STT3A: variants seen among roughly 807,000 people sequenced by gnomAD.
The protein encoded by STT3A is STT3 oligosaccharyltransferase complex catalytic subunit A, also known as dolichyl-diphosphooligosaccharide--protein glycosyltransferase subunit STT3A.
In STT3A, 34 loss-of-function variants were observed where a neutral mutation model predicts 89.2. The observed-to-expected ratio is 0.38, with a 90% CI of 0.29 to 0.51. STT3A has a LOEUF of 0.51. STT3A is among the 20% of genes least tolerant of loss of function. STT3A has a pLI of 0.89. For missense variants in STT3A, 555 were observed against 889.5 expected, an observed-to-expected ratio of 0.62 and a Z score of 4.78; for synonymous variants, 282 against 310.3, an observed-to-expected ratio of 0.91 and a Z score of 0.96.
exon 18 of STT3A, chr11:125,623,068 C>CAAAAAAAAA (rs57731974): frequency 1.7e-5 from 1 of 59,160 alleles, no homozygotes; most frequent in African/African-American, 6.6e-5. Flanking sequence ...AAGACTGTCT[C>CAAAAAAAAA]AAAAAAAAAA....
intron 9 of STT3A, among the ~76,000 whole-genome samples, chr11:125,608,951 C>T (rs1939918926): frequency 6.6e-6 from 1 of 152,022 alleles, no homozygotes; most frequent in South Asian, 2.1e-4. Context: ...CTTACCATAC[C>T]CTCCAAAGTG....
chr11:125,612,857 G>T (rs1028337057), intron 12 of STT3A, 110 bp downstream of exon 12: 3 of 1,517,084 alleles, frequency 2.0e-6, no homozygotes, highest in Non-Finnish European at 2.7e-6. Flanking sequence ...GTCCTAGGTG[G>T]TCAGAATTAA....
intron 1 of STT3A, among the ~76,000 whole-genome samples, chr11:125,594,154 CA>C (rs1211514344): frequency 6.6e-6 from 1 of 152,054 alleles, no homozygotes; most frequent in African/African-American, 2.4e-5. Context: ...ATACATGTAC[CA>C]AAATGTCACA....
rs1400066844 is a variant in STT3A, at chr11:125,605,752, G to A, written c.615+17G>A. On this transcript the variant is annotated intron_variant, in intron 7 of 17. Coordinates refer to ENST00000392708, the MANE Select transcript of STT3A (RefSeq NM_152713.5). ...TTCTACATGGTAACTTTTTCTACAT[G>A]TTTTCAATTTTTAAAGTTCTCTAAA... 1 of 1,600,204 alleles carries A rather than the reference G, an allele frequency of 6.2e-7. No homozygotes were observed. The highest frequency in any genetic ancestry group is 8.6e-7 in the Non-Finnish European group (1 of 1,169,178).
Position 125,614,195 on chromosome 11 carries a change from G to C in STT3A, c.1663G>C (p.Val555Leu), listed in dbSNP as rs781600361. 1 of 1,614,126 alleles carries C rather than the reference G, an allele frequency of 6.2e-7. No individual in the cohort carries two copies. The highest frequency in any genetic ancestry group is 8.5e-7 in the Non-Finnish European group (1 of 1,179,984). ...NTWNNTHISR[V>L]GQAMASTEEK... ...ATGGAATAATACCCATATTTCTCGA[G>C]TAGGGCAGGTAAGATAAAGGGATGA... Residue 555 changes from valine to leucine, a missense_variant, in exon 14 of 18, where the codon GTA (valine) becomes CTA (leucine). By Grantham distance (32) the Val-to-Leu change is conservative. Around this residue, in one of 5 missense-constraint regions of STT3A, gnomAD observed 273 missense variants for 449.8 expected, o/e 0.61. Coordinates refer to ENST00000392708, the MANE Select transcript of STT3A (RefSeq NM_152713.5). The surrounding 1 kb of genome is among the most constrained non-coding windows in gnomAD (Gnocchi z 4.9).
chr11:125,592,579 T>C (rs1486857789), upstream of STT3A: 1 of 438,488 alleles, frequency 2.3e-6, no homozygotes, highest in South Asian at 1.6e-5. Context: ...GACACGTCAC[T>C]CCTCGGCCCT....
At chr11:125,593,261 G>C (rs1029054191) in intron 1 of STT3A, 4 of 152,444 alleles carry the variant, frequency 2.6e-5, no homozygotes, top group African/African-American at 9.7e-5. Context: ...GGGAAGAAGA[G>C]GGAGGTGGGA....
At chr11:125,605,420 G>A (rs1397406452) in intron 6 of STT3A, among the ~76,000 whole-genome samples, 1 of 152,130 alleles carries the variant, frequency 6.6e-6, no homozygotes, top group Non-Finnish European at 1.5e-5. Flanking sequence ...TGCTTTACAG[G>A]CATTAATTAT....
chr11:125,606,872 C>T (rs1939855996), intron 8 of STT3A, among the ~76,000 whole-genome samples: 1 of 152,220 alleles, frequency 6.6e-6, no homozygotes, highest in Non-Finnish European at 1.5e-5. Context: ...AACCACATTG[C>T]TCCACAGGGT....
intron 7 of STT3A, among the ~76,000 whole-genome samples, 178 bp downstream of exon 7, chr11:125,605,913 T>C (rs1413178783): frequency 6.6e-6 from 1 of 152,200 alleles, no homozygotes; most frequent in Non-Finnish European, 1.5e-5. Context: ...TTGCTTCCAC[T>C]TGCTCACATA....
chr11:125,617,859 G>A (rs1379230131), intron 15 of STT3A, among the ~76,000 whole-genome samples: 2 of 152,150 alleles, frequency 1.3e-5, no homozygotes, highest in African/African-American at 2.4e-5. Context: ...AAAGAAACAG[G>A]TGAAAGTAAT....
At chr11:125,594,200 T>C (rs1193175179) in intron 1 of STT3A, among the ~76,000 whole-genome samples, 11 of 152,208 alleles carry the variant, frequency 7.2e-5, no homozygotes, top group Admixed American at 5.2e-4. Context: ...TATGTGTCAG[T>C]CAAAAAGAAT....
At chr11:125,609,917 TC>T in intron 10 of STT3A, 1 of 243,652 alleles carries the variant, frequency 4.1e-6, no homozygotes, top group East Asian at 9.2e-5. Flanking sequence ...CCCTTGTTTT[TC>T]CTCTTGGAAG....
intron 5 of STT3A, 63 bp from the exon 6 acceptor site, chr11:125,604,094 A>G: frequency 6.5e-7 from 1 of 1,534,112 alleles, no homozygotes; most frequent in Non-Finnish European, 9.0e-7. Context: ...GGACTAGTGG[A>G]TCCTCTGTTC....
intron 11 of STT3A, 114 bp from the exon 12 acceptor site, chr11:125,612,478 G>T: frequency 8.5e-7 from 1 of 1,181,118 alleles, no homozygotes; most frequent in Non-Finnish European, 1.2e-6. Context: ...TTCACTTTTT[G>T]TGGAGGTCAT....
chr11:125,612,561 T>A, intron 11 of STT3A, 31 bp from the exon 12 acceptor site: 1 of 1,606,132 alleles, frequency 6.2e-7, no homozygotes, highest in East Asian at 2.2e-5. Flanking sequence ...GGAACACTGA[T>A]TAGACTGATC....
In STT3A at chr11:125,612,707, G is replaced by A. The variant is rs766473308; in HGVS notation, c.1325G>A (p.Ser442Asn). The A allele has an allele frequency of 1.7e-5, 28 of 1,614,054 alleles. No individual in the cohort carries two copies. The East Asian group carries it at 5.6e-4, about 32-fold the overall frequency. Residue 442 changes from serine (S) to asparagine (N), a missense_variant, in exon 12 of 18, where the codon AGC becomes AAC. By Grantham distance (46) the Ser-to-Asn change is conservative. This residue lies in a region of STT3A where 273 missense variants were observed against 449.8 expected (regional missense o/e 0.61). Transcript: ENST00000392708. Reference sequence around the variant, plus strand: ...GACATAAGTCGTCCAGACAAGAAGAGCAAGAAGCAACAGGATTCCACCTAC... The same window carrying A: ...GACATAAGTCGTCCAGACAAGAAGAACAAGAAGCAACAGGATTCCACCTAC... ...NLDISRPDKK[S>N]KKQQDSTYPI...
intron 12 of STT3A, 33 bp downstream of exon 12, chr11:125,612,780 A>C (rs762819015): frequency 6.2e-7 from 1 of 1,607,352 alleles, no homozygotes; most frequent in African/African-American, 1.3e-5. Context: ...GACTTGGGAA[A>C]CTCTGTGTGT....
At chr11:125,600,633 G>A (rs1939644675) in intron 3 of STT3A, among the ~76,000 whole-genome samples, 1 of 152,042 alleles carries the variant, frequency 6.6e-6, no homozygotes, top group South Asian at 2.1e-4. Context: ...AAAGTATTGG[G>A]ATTACAGGTG....
Sources: gnomAD v4.1 joint callset for allele counts (sites outside exome capture counted in the v4.1 genomes callset) on GRCh38, gnomAD v4.1.1 for gene constraint, gnomAD v4.1.1 regional missense constraint, Gnocchi (gnomAD v3.1) non-coding constraint, MANE v1.5 for transcripts, NCBI Gene and HGNC (gene_info 2026-07-23, HGNC 2026-07-21) for gene names.